Variants in TMEM196 observed in about 807,000 individuals in gnomAD.
TMEM196 encodes transmembrane protein 196.
TMEM196 carries 17 observed loss-of-function variants against 20.0 expected under a neutral mutation model. That is an observed-to-expected ratio of 0.85 (90% confidence interval 0.58 to 1.27). The LOEUF (loss-of-function observed/expected upper bound fraction) is 1.27, where lower values mean the gene tolerates loss of function less well. Among genes scored for constraint, TMEM196 ranks in the 50% most tolerant of loss-of-function variants. The probability of loss-of-function intolerance (pLI) is 0.00; values close to 1 mark genes in which losing one functional copy is unlikely to be tolerated. For synonymous variants in TMEM196, 113 were observed against 88.9 expected, an observed-to-expected ratio of 1.27 and a Z score of -1.52; for missense variants, 267 against 223.0, an observed-to-expected ratio of 1.20 and a Z score of -1.26.
chr7:19,763,817 T>C (rs547004301), intron 1 of TMEM196, among the ~76,000 whole-genome samples: 8 of 152,304 alleles, frequency 5.3e-5, no homozygotes, highest in African/African-American at 1.9e-4. Context: ...ATAATATAAA[T>C]ATCACATTTA....
chr7:19,749,466 A>G (rs1351502653), intron 1 of TMEM196, among the ~76,000 whole-genome samples: 6 of 152,204 alleles, frequency 3.9e-5, no homozygotes, highest in Non-Finnish European at 8.8e-5. Flanking sequence ...CTTTGTGCGC[A>G]TGTCACAAAC....
At chr7:19,740,781 C>G (rs1411664772) in intron 1 of TMEM196, among the ~76,000 whole-genome samples, 1 of 151,986 alleles carries the variant, frequency 6.6e-6, no homozygotes, top group African/African-American at 2.4e-5. Flanking sequence ...GAAATGAATT[C>G]AGAATCTGGA....
At chr7:19,756,095 A>AG (rs977008186) in intron 1 of TMEM196, among the ~76,000 whole-genome samples, 1 of 152,042 alleles carries the variant, frequency 6.6e-6, no homozygotes, top group Non-Finnish European at 1.5e-5. Context: ...ATCAAAAAAA[A>AG]AAATGTATTC....
rs956193209 is a variant in TMEM196, at chr7:19,720,595, T to A, written c.*1533A>T. 1 of 151,976 alleles carries A rather than the reference T, an allele frequency of 6.6e-6. No homozygotes were observed. Among genetic ancestry groups the A allele is most frequent in the African/African-American group, 2.4e-5 (1 of 41,434 alleles). 9.4% of individuals were successfully genotyped at this position (151,976 alleles called of 1,614,324 possible). A position where few individuals can be genotyped will look rare whatever the true frequency, so the allele number is the denominator to read the frequency against. ...AGATTTCTTTGTCTGTTGCCAGAGG[T>A]TATATTCTGATAAATATATTCAGAT... On this transcript the variant is annotated 3_prime_UTR_variant, in exon 5 of 5. Coordinates refer to ENST00000405844, the MANE Select transcript of TMEM196 (RefSeq NM_001363562.2).
chr7:19,730,434 A>G (rs566407803), intron 1 of TMEM196, among the ~76,000 whole-genome samples: 2 of 152,354 alleles, frequency 1.3e-5, no homozygotes, highest in Admixed American at 6.5e-5. Context: ...TTTAATTTGA[A>G]TAGAAACAGT....
At chr7:19,726,154 A>T (rs1017176123) in intron 2 of TMEM196, among the ~76,000 whole-genome samples, 4 of 152,126 alleles carry the variant, frequency 2.6e-5, no homozygotes, top group Non-Finnish European at 4.4e-5. Flanking sequence ...CTCAATTGAC[A>T]CTCCCAGCAA....
intron 1 of TMEM196, among the ~76,000 whole-genome samples, chr7:19,732,926 A>T (rs1784264576): frequency 6.6e-6 from 1 of 152,248 alleles, no homozygotes; most frequent in Non-Finnish European, 1.5e-5. Context: ...AGTAAAAAAC[A>T]AATTAGCTAA....
intron 1 of TMEM196, among the ~76,000 whole-genome samples, chr7:19,738,327 G>C (rs557018889): frequency 6.6e-6 from 1 of 152,166 alleles, no homozygotes; most frequent in South Asian, 2.1e-4. Flanking sequence ...GGAGTTGTAG[G>C]TATCAGTATT....
rs1437363518 is a variant in TMEM196, at chr7:19,722,096, C to G, written c.*32G>C. ...TTGATTACACTCTTCCATTAAATAT[C>G]AGCTGTGGTCCTCCATTGCTCATGT... On this transcript the variant is annotated 3_prime_UTR_variant, in exon 5 of 5. Transcript: ENST00000405844. 6.2e-7 allele frequency: 1 copy of G among 1,609,996 alleles called. No individual in the cohort carries two copies. Among genetic ancestry groups the G allele is most frequent in the Admixed American group, 1.7e-5 (1 of 59,526 alleles).
intron 1 of TMEM196, among the ~76,000 whole-genome samples, chr7:19,764,989 A>G (rs969530102): frequency 6.6e-6 from 1 of 152,196 alleles, no homozygotes; most frequent in African/African-American, 2.4e-5. Context: ...ACTTTGAAAC[A>G]ATATTGCTCT....
At chr7:19,730,810 C>A (rs1452021577) in intron 1 of TMEM196, among the ~76,000 whole-genome samples, 3 of 152,088 alleles carry the variant, frequency 2.0e-5, no homozygotes, top group African/African-American at 7.2e-5. Context: ...GATTATTATG[C>A]AGGCAGTGGG....
At chr7:19,730,290 T>A (rs1472811485) in intron 1 of TMEM196, among the ~76,000 whole-genome samples, 2 of 150,946 alleles carry the variant, frequency 1.3e-5, no homozygotes, top group East Asian at 3.9e-4. Context: ...CACAAAGGGA[T>A]AAAGCAATTG....
At chr7:19,733,037 G>T (rs1784269514) in intron 1 of TMEM196, among the ~76,000 whole-genome samples, 1 of 152,012 alleles carries the variant, frequency 6.6e-6, no homozygotes. Context: ...TTAAATCCAG[G>T]GAGGATTATT....
chr7:19,771,797 A>G (rs562325227), intron 1 of TMEM196, among the ~76,000 whole-genome samples: 5 of 152,280 alleles, frequency 3.3e-5, no homozygotes, highest in South Asian at 4.1e-4. Context: ...CTGACATCTG[A>G]CCTAGAGATA....
chr7:19,759,260 C>T (rs1785335294), intron 1 of TMEM196, among the ~76,000 whole-genome samples: 1 of 152,160 alleles, frequency 6.6e-6, no homozygotes, highest in South Asian at 2.1e-4. Flanking sequence ...CAATGACAGC[C>T]ATGTTTCAGC....
chr7:19,729,438 A>G lies in TMEM196; in HGVS notation c.148T>C (p.Phe50Leu). 4 of 1,550,542 alleles carry G rather than the reference A, an allele frequency of 2.6e-6. No individual in the cohort carries two copies. Among genetic ancestry groups the G allele is most frequent in the Non-Finnish European group, 3.5e-6 (4 of 1,146,774 alleles). The change falls in exon 2 of 5, where the codon TTT (phenylalanine) becomes CTT (leucine). Residue 50 changes from phenylalanine to leucine, a missense_variant and splice_region_variant. Transcript: ENST00000405844. The part of the protein sequence containing the change: ...HKPQLGDSSP[F>L]LLCGICGILC... ...ATTCCACAAATGCCACAAAGAAGAAACTGAAAAGGAAAAGAAGAACAATTA... is the reference window on the plus strand; with the variant it reads ...ATTCCACAAATGCCACAAAGAAGAAGCTGAAAAGGAAAAGAAGAACAATTA...
intron 1 of TMEM196, among the ~76,000 whole-genome samples, chr7:19,754,307 T>C (rs1474268081): frequency 6.6e-6 from 1 of 152,234 alleles, no homozygotes; most frequent in Non-Finnish European, 1.5e-5. Flanking sequence ...TTCTAACAAC[T>C]CTAAAGCCCT....
intron 4 of TMEM196, among the ~76,000 whole-genome samples, chr7:19,722,371 A>T (rs370844675): frequency 1.1e-4 from 17 of 152,066 alleles, no homozygotes; most frequent in Admixed American, 9.8e-4. Flanking sequence ...ACAACGGTCC[A>T]TTCTCTCCCC....
intron 2 of TMEM196, among the ~76,000 whole-genome samples, chr7:19,727,228 G>A (rs1238750396): frequency 1.3e-5 from 2 of 152,120 alleles, no homozygotes; most frequent in African/African-American, 4.8e-5. Context: ...TAAATCTTGT[G>A]AAAGAGAAGA....
Sources: allele counts gnomAD v4.1 joint callset (sites outside exome capture counted in the v4.1 genomes callset), GRCh38; gene constraint gnomAD v4.1.1; transcripts MANE v1.5; gene names NCBI Gene and HGNC (gene_info 2026-07-23, HGNC 2026-07-21).